Variants in PHACTR4 observed in about 807,000 individuals in gnomAD.
The protein encoded by PHACTR4 is protein phosphatase 1, regulatory subunit 124.
In PHACTR4, 51 loss-of-function variants were observed where a neutral mutation model predicts 72.7. The observed-to-expected ratio is 0.70, with a 90% CI of 0.56 to 0.89. The LOEUF is 0.89. Ranked by LOEUF, PHACTR4 falls within the 40% of genes least tolerant of loss-of-function variation. The pLI, the probability that PHACTR4 is intolerant of heterozygous loss-of-function variation, is 0.00. For synonymous variants in PHACTR4, 255 were observed against 302.5 expected, an observed-to-expected ratio of 0.84 and a Z score of 1.63; for missense variants, 731 against 861.8, an observed-to-expected ratio of 0.85 and a Z score of 1.90.
intron 1 of PHACTR4, among the ~76,000 whole-genome samples, chr1:28,395,872 A>T (rs1457281012): frequency 2.0e-3 from 197 of 97,176 alleles, no homozygotes; most frequent in Middle Eastern, 0.017. Context: ...CGTGTTAGCC[A>T]GGATGGTCTC....
intron 2 of PHACTR4, among the ~76,000 whole-genome samples, chr1:28,422,291 A>G (rs1016276921): frequency 6.6e-6 from 1 of 152,232 alleles, no homozygotes; most frequent in Non-Finnish European, 1.5e-5. Context: ...AATAATAATT[A>G]TACAACAATA....
At chr1:28,480,776 C>T (rs1235335458) in intron 9 of PHACTR4, among the ~76,000 whole-genome samples, 172 bp downstream of exon 9, 1 of 152,036 alleles carries the variant, frequency 6.6e-6, no homozygotes, top group Non-Finnish European at 1.5e-5. Flanking sequence ...GTAACCTCCA[C>T]CTCCCAGGTT....
rs1022674275 is a variant in PHACTR4 at position 28,438,292 on chromosome 1, C to T, written c.17-20793C>T. 4 of 1,531,608 alleles carry T rather than the reference C, an allele frequency of 2.6e-6. No individual in the cohort carries two copies. The African/African-American group carries it at 5.6e-5, about 21-fold the overall frequency. The allele number at this position is 1,531,608 out of a possible 1,614,324, so 94.9% of individuals were successfully genotyped here. A position where few individuals can be genotyped will look rare whatever the true frequency, so the allele number is the denominator to read the frequency against. On this transcript the variant is annotated intron_variant, in intron 2 of 13. Coordinates refer to ENST00000373839, the MANE Select transcript of PHACTR4 (RefSeq NM_001048183.3). The stretch of plus-strand genomic sequence containing the variant: ...TGGCAGTGACACTGAAAGAGGACCG[C>T]ATGTCCCCTCTTTATGTGGATTTAT...
At chr1:28,485,939 G>A (rs13374941) in intron 9 of PHACTR4, among the ~76,000 whole-genome samples, 15,806 of 151,928 alleles carry the variant, frequency 0.1, 1,899 homozygotes, top group African/African-American at 0.3. Flanking sequence ...ACACTTAAAA[G>A]TCTGTTCAAA....
intron 2 of PHACTR4, among the ~76,000 whole-genome samples, chr1:28,455,421 T>C (rs946024620): frequency 1.3e-4 from 20 of 151,952 alleles, no homozygotes; most frequent in Admixed American, 9.2e-4. Context: ...GGTCTCAAAC[T>C]CCTGATCTCA....
chr1:28,425,881 T>A (rs1385526670), intron 2 of PHACTR4, among the ~76,000 whole-genome samples: 1 of 152,202 alleles, frequency 6.6e-6, no homozygotes, highest in African/African-American at 2.4e-5. Flanking sequence ...GCTCCTTGAT[T>A]TCTGACTAGT....
intron 9 of PHACTR4, among the ~76,000 whole-genome samples, chr1:28,487,518 CA>C (rs796633179): frequency 2.8e-3 from 213 of 77,312 alleles, no homozygotes; most frequent in East Asian, 7.0e-3. Context: ...GACACACACA[CA>C]AAAAAAAAAA....
chr1:28,386,026 C>G (rs531110325), intron 1 of PHACTR4, among the ~76,000 whole-genome samples: 9 of 152,252 alleles, frequency 5.9e-5, no homozygotes, highest in Middle Eastern at 3.4e-3. Flanking sequence ...GTTTTACTTC[C>G]GATTATGCAA....
Position 28,439,158 on chromosome 1 carries a change from G to C in PHACTR4, c.17-19927G>C, listed in dbSNP as rs558714142. Reference sequence around the variant, plus strand: ...AGTTTTAAGCAGATGTTCATTAAAGGGTTGCTTAAGTATAAGCAAAACTAG... The same window carrying C: ...AGTTTTAAGCAGATGTTCATTAAAGCGTTGCTTAAGTATAAGCAAAACTAG... On this transcript the variant is annotated intron_variant, in intron 2 of 13. Transcript: ENST00000373839. Among the ~76,000 whole-genome samples, 238 of 152,168 alleles carry C rather than the reference G, an allele frequency of 1.6e-3. 4 individuals are homozygous for C. The highest frequency in any genetic ancestry group is 6.8e-3 in the Middle Eastern group (2 of 294).
Position 28,466,478 on chromosome 1 carries a change from C to T in PHACTR4, c.533C>T (p.Ser178Phe), listed in dbSNP as rs1039203190. The T allele has an allele frequency of 1.2e-6, 2 of 1,614,028 alleles. No individual in the cohort carries two copies. The highest frequency in any genetic ancestry group is 1.7e-6 in the Non-Finnish European group (2 of 1,180,050). The stretch of plus-strand genomic sequence containing the variant: ...CCTCCCAAAAGACCCTTGTCCTCTT[C>T]TCATGAAGCAAGTGAAGGGCAAGCA... ...LLPPKRPLSS[S>F]HEASEGQAKD... Residue 178 changes from serine to phenylalanine, a missense_variant, in exon 6 of 14, where the codon TCT becomes TTT. Physicochemically the swap from Ser to Phe is radical, Grantham distance 155 (BLOSUM62 -2). Coordinates refer to ENST00000373839, the MANE Select transcript of PHACTR4 (RefSeq NM_001048183.3).
rs141211930 is a variant in PHACTR4 at position 28,421,271 on chromosome 1, CAT to C, written c.16+13810_16+13811del. On this transcript the variant is annotated intron_variant, in intron 2 of 13. Transcript: ENST00000373839. ...GGGCATGTGCACATATATACACACA[CAT>C]ACACACTCACATGTTATAATTGAGG... Among the ~76,000 whole-genome samples the C allele has an allele frequency of 5.8e-3, 890 of 152,270 alleles. 3 individuals are homozygous for C. Among genetic ancestry groups the C allele is most frequent in the African/African-American group, 0.012 (483 of 41,558 alleles).
Position 28,382,561 on chromosome 1 carries a change from C to T in PHACTR4, c.-39+12736C>T, listed in dbSNP as rs1045017831. On this transcript the variant is annotated intron_variant, in intron 1 of 13. Coordinates refer to ENST00000373839, the MANE Select transcript of PHACTR4 (RefSeq NM_001048183.3). ...CTCGTGATCCGCCCGCCTCAGCCTCCCAAAGTGCTGGGACTACAGGCGTGA... is the reference window on the plus strand; with the variant it reads ...CTCGTGATCCGCCCGCCTCAGCCTCTCAAAGTGCTGGGACTACAGGCGTGA... Among the ~76,000 whole-genome samples, 4 of 152,194 alleles carry T rather than the reference C, an allele frequency of 2.6e-5. No individual in the cohort carries two copies. The South Asian group carries it at 8.3e-4, about 32-fold the overall frequency.
Position 28,473,847 on chromosome 1 carries a change from G to A in PHACTR4, c.1117G>A (p.Glu373Lys). Residue 373 changes from glutamate (E) to lysine (K), a missense_variant, in exon 7 of 14, where the codon GAG (glutamate) becomes AAG (lysine). Coordinates refer to ENST00000373839, the MANE Select transcript of PHACTR4 (RefSeq NM_001048183.3). ...GACTTTTCAAGTTGTGCCAGAAATT[G>A]AGTTTCCACCATCCTTAGATCTACA... The part of the protein sequence containing the change: ...AKTFQVVPEI[E>K]FPPSLDLHQE... 6.4e-7 allele frequency: 1 copy of A among 1,568,888 alleles called. No homozygotes were observed.
intron 3 of PHACTR4, among the ~76,000 whole-genome samples, chr1:28,459,599 C>A (rs1357234836): frequency 2.6e-5 from 4 of 151,736 alleles, no homozygotes; most frequent in African/African-American, 4.8e-5. Flanking sequence ...ATGGGGTCTC[C>A]TTATGTTTCC....
intron 1 of PHACTR4, among the ~76,000 whole-genome samples, chr1:28,374,825 C>A (rs912311234): frequency 1.3e-5 from 2 of 152,116 alleles, no homozygotes; most frequent in Admixed American, 6.6e-5. Flanking sequence ...AATAAAATTC[C>A]CTCATATAAC....
rs556627556 is a variant in PHACTR4, at chr1:28,395,837, T to G, written c.-38-11573T>G. ...TGGCTAATTTTTTTTTTTTTTTTTT[T>G]TTTTTAGTAGAGACGGGGTTTCACC... On this transcript the variant is annotated intron_variant, in intron 1 of 13. Coordinates refer to ENST00000373839, the MANE Select transcript of PHACTR4 (RefSeq NM_001048183.3). Among the ~76,000 whole-genome samples, 74 of 108,616 alleles carry G rather than the reference T, an allele frequency of 6.8e-4. 4 individuals carry two copies. The highest frequency in any genetic ancestry group is 1.3e-3 in the Admixed American group (16 of 12,018). 71.3% of individuals were successfully genotyped at this position (108,616 alleles called of 152,430 possible). A position where few individuals can be genotyped will look rare whatever the true frequency, so the allele number is the denominator to read the frequency against.
intron 13 of PHACTR4, chr1:28,494,423 G>A (rs1661218595): frequency 6.6e-6 from 1 of 152,258 alleles, no homozygotes; most frequent in South Asian, 2.1e-4. Flanking sequence ...TTGGGAGGCT[G>A]AGGCAGGTGG....
intron 6 of PHACTR4, among the ~76,000 whole-genome samples, chr1:28,473,046 AG>A (rs895472125): frequency 1.3e-5 from 2 of 148,984 alleles, no homozygotes; most frequent in Non-Finnish European, 3.0e-5. Context: ...AGGCCAAGGC[AG>A]GTGGATCATT....
At chr1:28,463,774 C>A (rs961831428) in intron 4 of PHACTR4, among the ~76,000 whole-genome samples, 2 of 152,148 alleles carry the variant, frequency 1.3e-5, no homozygotes, top group Non-Finnish European at 2.9e-5. Context: ...ACTCTGTCAC[C>A]CAGGCTAGAG....
Sources: gnomAD v4.1 joint callset for allele counts (sites outside exome capture counted in the v4.1 genomes callset) on GRCh38, gnomAD v4.1.1 for gene constraint, MANE v1.5 for transcripts, NCBI Gene and HGNC (gene_info 2026-07-23, HGNC 2026-07-21) for gene names.